CLASP1: variants seen among roughly 807,000 people sequenced by gnomAD.
CLASP1 encodes the protein CLIP-associating protein 1.
A neutral mutation model predicts 192.3 loss-of-function variants in CLASP1; 38 were observed. That is an observed-to-expected ratio of 0.20 (90% CI 0.15 to 0.26). The LOEUF (loss-of-function observed/expected upper bound fraction) is 0.26. CLASP1 is among the 10% of genes least tolerant of loss of function. CLASP1 has a pLI of 1.00. For missense variants in CLASP1, 1,433 were observed against 1,932.5 expected (o/e 0.74, Z 4.85); for synonymous variants, 691 against 712.8 (o/e 0.97, Z 0.49).
chr2:121,605,826 C>T, exon 2 of CLASP1: 1 of 1,614,016 alleles, frequency 6.2e-7, no homozygotes, highest in Non-Finnish European at 8.5e-7. Flanking sequence ...AGTTCTTGGC[C>T]AACCTGCAAT....
chr2:121,370,363 C>G (rs755667254), intron 34 of CLASP1, among the ~76,000 whole-genome samples: 1 of 152,100 alleles, frequency 6.6e-6, no homozygotes, highest in African/African-American at 2.4e-5. Flanking sequence ...TCACTCTTGT[C>G]GCCCAGGCTG....
chr2:121,384,071 C>CACACACATATATATGTATATAT (rs1374710271), intron 32 of CLASP1, among the ~76,000 whole-genome samples: 8 of 136,914 alleles, frequency 5.8e-5, no homozygotes, highest in African/African-American at 1.8e-4. Flanking sequence ...TATATATACA[C>CACACACATATATATGTATATAT]ACACACATAT....
At chr2:121,524,342 G>A (rs2094524424) in intron 6 of CLASP1, among the ~76,000 whole-genome samples, 1 of 151,962 alleles carries the variant, frequency 6.6e-6, no homozygotes, top group African/African-American at 2.4e-5. Context: ...AATCTATTTG[G>A]TAACTTAGAA....
At chr2:121,451,827 A>G in exon 15 of CLASP1, 2 of 1,572,028 alleles carry the variant, frequency 1.3e-6, no homozygotes, top group Non-Finnish European at 1.7e-6. Flanking sequence ...TGTAAAAGCA[A>G]ATCTAAAAAT....
chr2:121,494,101 T>A (rs938336119), intron 8 of CLASP1, among the ~76,000 whole-genome samples: 3 of 152,204 alleles, frequency 2.0e-5, no homozygotes, highest in Non-Finnish European at 4.4e-5. Flanking sequence ...CTGCTAGGTA[T>A]GTACCCAAAA....
chr2:121,470,121 G>GTTA, intron 8 of CLASP1, 161 bp from the exon 9 acceptor site: 1 of 680,498 alleles, frequency 1.5e-6, no homozygotes, highest in Non-Finnish European at 2.5e-6. Flanking sequence ...GAAAGCCTTA[G>GTTA]GTTAAGCCCA....
chr2:121,460,135 TAGAGA>T lies in CLASP1; in HGVS notation c.1033-15_1033-11del. The T allele has an allele frequency of 6.2e-7, 1 of 1,602,532 alleles. No homozygotes were observed. The highest frequency in any genetic ancestry group is 8.5e-7 in the Non-Finnish European group (1 of 1,175,136). Reference sequence around the variant, plus strand: ...ATCTAATCTTTTTTAGCTAATGGAATAGAGAAAATTCAGAAAAATAGAAAACAATT... The same window carrying T: ...ATCTAATCTTTTTTAGCTAATGGAATAAATTCAGAAAAATAGAAAACAATT... On this transcript the variant is annotated splice_polypyrimidine_tract_variant and intron_variant, in intron 11 of 39. Transcript: ENST00000263710.
At chr2:121,522,578 T>C (rs2094482284) in intron 6 of CLASP1, among the ~76,000 whole-genome samples, 1 of 152,250 alleles carries the variant, frequency 6.6e-6, no homozygotes, top group African/African-American at 2.4e-5. Context: ...TTTAAAATTA[T>C]ACAATCTATT....
chr2:121,340,819 C>T lies in CLASP1; in HGVS notation c.*42G>A, dbSNP rs765030760. On this transcript the variant is annotated 3_prime_UTR_variant, in exon 40 of 40. Transcript: ENST00000263710. Reference sequence around the variant, plus strand: ...GTGGGGAAAGGTCTCTGAGAGGCACCACCGATTGCTTCTAGGTCTACACAA... The same window carrying T: ...GTGGGGAAAGGTCTCTGAGAGGCACTACCGATTGCTTCTAGGTCTACACAA... The T allele has an allele frequency of 9.4e-6, 14 of 1,485,880 alleles. No individual in the cohort carries two copies. The South Asian group carries it at 1.4e-4, about 15-fold the overall frequency. The allele number at this position is 1,485,880 out of a possible 1,614,324, so 92.0% of individuals were successfully genotyped here. A position where few individuals can be genotyped will look rare whatever the true frequency, so the allele number is the denominator to read the frequency against.
intron 39 of CLASP1, among the ~76,000 whole-genome samples, chr2:121,345,403 G>A (rs1189079042): frequency 6.6e-6 from 1 of 152,116 alleles, no homozygotes; most frequent in East Asian, 1.9e-4. Flanking sequence ...TGAGTTGATG[G>A]GACAACTCTC....
chr2:121,418,516 C>T (rs189204266), intron 23 of CLASP1, 106 bp downstream of exon 23: 9 of 765,370 alleles, frequency 1.2e-5, no homozygotes, highest in Middle Eastern at 2.4e-4. Context: ...AAGAAAGGAT[C>T]ACAAGGACAG....
At chr2:121,378,224 GTAACTCTCACA>G (rs1411661265) in intron 33 of CLASP1, among the ~76,000 whole-genome samples, 2 of 152,060 alleles carry the variant, frequency 1.3e-5, no homozygotes, top group Non-Finnish European at 2.9e-5. Flanking sequence ...GGCCCAGAAA[GTAACTCTCACA>G]TCATCTCACC....
intron 8 of CLASP1, among the ~76,000 whole-genome samples, chr2:121,485,433 A>G (rs1045571925): frequency 7.2e-5 from 11 of 152,256 alleles, no homozygotes; most frequent in Non-Finnish European, 1.2e-4. Flanking sequence ...AACTGAATAT[A>G]GTAAGCCAAG....
chr2:121,571,250 A>C (rs549127862), intron 2 of CLASP1, among the ~76,000 whole-genome samples: 29 of 152,118 alleles, frequency 1.9e-4, no homozygotes, highest in African/African-American at 6.7e-4. Flanking sequence ...ATCTTGGCTC[A>C]CCACAATCTC....
intron 19 of CLASP1, among the ~76,000 whole-genome samples, chr2:121,438,245 T>C (rs1265559264): frequency 6.6e-6 from 1 of 152,226 alleles, no homozygotes; most frequent in Admixed American, 6.5e-5. Context: ...ATTCATTAGC[T>C]TGGAGTCTTC....
At chr2:121,370,806 G>A (rs1483283366) in intron 34 of CLASP1, among the ~76,000 whole-genome samples, 2 of 152,110 alleles carry the variant, frequency 1.3e-5, no homozygotes, top group African/African-American at 4.8e-5. Context: ...GGCTTCCCAG[G>A]CCTTGCCCTC....
At chr2:121,607,027 GC>G (rs2064517039) in intron 1 of CLASP1, among the ~76,000 whole-genome samples, 1 of 152,072 alleles carries the variant, frequency 6.6e-6, no homozygotes, top group Non-Finnish European at 1.5e-5. Context: ...CTGTACTCCA[GC>G]CTGGGCGACA....
chr2:121,365,236 G>C, exon 36 of CLASP1: 1 of 1,613,684 alleles, frequency 6.2e-7, no homozygotes, highest in East Asian at 2.2e-5. Context: ...ATTGTGGTTG[G>C]ACAGCTCTTT....
chr2:121,470,952 T>A (rs1271237260), intron 8 of CLASP1, among the ~76,000 whole-genome samples: 1 of 152,220 alleles, frequency 6.6e-6, no homozygotes, highest in Non-Finnish European at 1.5e-5. Context: ...CATTAACTTT[T>A]AAATTTTCTA....
Sources: allele counts gnomAD v4.1 joint callset (sites outside exome capture counted in the v4.1 genomes callset), GRCh38; gene constraint gnomAD v4.1.1; transcripts MANE v1.5; gene names NCBI Gene and HGNC (gene_info 2026-07-23, HGNC 2026-07-21).